MAST1: variants seen among roughly 807,000 people sequenced by gnomAD.
The protein encoded by MAST1 is microtubule-associated serine/threonine-protein kinase 1.
MAST1 carries 40 observed loss-of-function variants against 124.6 expected under a neutral mutation model. The observed-to-expected ratio is 0.32, with a 90% confidence interval of 0.25 to 0.42. MAST1 has a LOEUF of 0.42. Ranked by LOEUF, MAST1 falls within the 10% of genes least tolerant of loss-of-function variation. The pLI, the probability that MAST1 is intolerant of heterozygous loss-of-function variation, is 1.00. For synonymous variants in MAST1, 938 were observed against 939.4 expected, an observed-to-expected ratio of 1.00 and a Z score of 0.03; for missense variants, 1,558 against 2,181.9, an observed-to-expected ratio of 0.71 and a Z score of 5.70.
intron 22 of MAST1, among the ~76,000 whole-genome samples, 178 bp downstream of exon 22, chr19:12,869,473 C>T (rs200939890): frequency 6.6e-6 from 1 of 152,090 alleles, no homozygotes; most frequent in Non-Finnish European, 1.5e-5. Context: ...CTCACTGTGT[C>T]GCCAGGCCGG....
chr19:12,846,461 A>G (rs1969895263), intron 4 of MAST1, among the ~76,000 whole-genome samples: 1 of 152,058 alleles, frequency 6.6e-6, no homozygotes, highest in Admixed American at 6.6e-5. Context: ...GAGGGGTGAC[A>G]TTGAAGCAAA....
chr19:12,851,271 T>A (rs1472827839), intron 7 of MAST1, among the ~76,000 whole-genome samples: 1 of 148,528 alleles, frequency 6.7e-6, no homozygotes, highest in Non-Finnish European at 1.5e-5. Flanking sequence ...TTTTTTTCTT[T>A]TTTTTTTTTT....
rs759141821 is a variant in MAST1 at position 12,864,852 on chromosome 19, C to T, written c.1410C>T (p.Pro470=). Residue 470 remains proline, a synonymous_variant, in exon 13 of 26, where the codon CCC becomes CCT. Transcript: ENST00000251472. ...TGCTGAAGAATATTGGAGCGCTGCC[C>T]GTAGAGATGGCCCGCATGTACTTTG... ...ATLLKNIGAL[P]VEMARMYFAE... 22 of 1,613,898 alleles carry T rather than the reference C, an allele frequency of 1.4e-5. No homozygotes were observed. The highest frequency in any genetic ancestry group is 3.3e-5 in the South Asian group (3 of 91,088).
chr19:12,840,402 G>C (rs1338084691), intron 1 of MAST1, 44 bp from the exon 2 acceptor site: 1 of 1,300,922 alleles, frequency 7.7e-7, no homozygotes, highest in Non-Finnish European at 1.1e-6. Flanking sequence ...AGAACTCACT[G>C]GGCTGCGGCC....
At chr19:12,857,136 T>C (rs1970025686) in intron 10 of MAST1, among the ~76,000 whole-genome samples, 1 of 151,948 alleles carries the variant, frequency 6.6e-6, no homozygotes, top group Non-Finnish European at 1.5e-5. Context: ...CAGGCTGGAG[T>C]GCAATGCCAC....
intron 7 of MAST1, 55 bp downstream of exon 7, chr19:12,848,112 C>A: frequency 6.7e-7 from 1 of 1,481,934 alleles, no homozygotes. Context: ...CAGATTGTGC[C>A]CAATGCACCC....
chr19:12,852,086 G>A (rs766783155), intron 8 of MAST1, 29 bp from the exon 9 acceptor site: 2 of 1,613,642 alleles, frequency 1.2e-6, no homozygotes, highest in East Asian at 2.2e-5. Context: ...CTGGGAGCCT[G>A]TGGTGAGCCC....
chr19:12,872,997 A>T (rs908813363), intron 24 of MAST1, among the ~76,000 whole-genome samples: 6 of 151,452 alleles, frequency 4.0e-5, no homozygotes, highest in Admixed American at 4.0e-4. Context: ...AAGTAGGAGG[A>T]GCTAAAGGAA....
At position 12,847,482 on chromosome 19, in the gene MAST1, G is replaced by A. The variant is rs199694264; in HGVS notation, c.488+32G>A. ...AGGCATCCCTCCTCCTTCGTACCAA[G>A]CTAGTGGTCTTAGGACTTGTGCTTA... is the stretch of plus-strand genomic sequence containing the variant. On this transcript the variant is annotated intron_variant, in intron 5 of 25. Coordinates refer to ENST00000251472, the MANE Select transcript of MAST1 (RefSeq NM_014975.3). This position sits in a 1 kb window ranked among gnomAD's most constrained non-coding sequence, Gnocchi z 5.5. 1 of 1,612,922 alleles carries A rather than the reference G, an allele frequency of 6.2e-7. No individual in the cohort carries two copies. The highest frequency in any genetic ancestry group is 1.7e-5 in the Admixed American group (1 of 59,792).
Position 12,856,008 on chromosome 19 carries a change from C to T in MAST1, c.1078-2354C>T, listed in dbSNP as rs59036090. ...GGTAAGAGTTCCATACAATAGTGTGCGAAGTATTGCAAACAATAAAGGAAA... is the reference window on the plus strand; with the variant it reads ...GGTAAGAGTTCCATACAATAGTGTGTGAAGTATTGCAAACAATAAAGGAAA... On this transcript the variant is annotated intron_variant, in intron 10 of 25. Coordinates refer to ENST00000251472, the MANE Select transcript of MAST1 (RefSeq NM_014975.3). 2.9e-3 allele frequency among the ~76,000 whole-genome samples: 426 copies of T among 149,432 alleles called. 1 individual carries two copies. Among genetic ancestry groups the T allele is most frequent in the African/African-American group, 9.2e-3 (375 of 40,598 alleles).
In MAST1 at chr19:12,873,347, G is replaced by A; in HGVS notation, c.3287G>A (p.Arg1096Gln). 1.2e-6 allele frequency: 2 copies of A among 1,613,504 alleles called. No homozygotes were observed. Among genetic ancestry groups the A allele is most frequent in the Non-Finnish European group, 8.5e-7 (1 of 1,179,538 alleles). Reference protein sequence around the residue: ...QESKKRSSLFRKITKQSNLLH... With the variant: ...QESKKRSSLFQKITKQSNLLH... ...AGCAAGAAGCGCAGCTCCCTCTTCC[G>A]GAAGATCACGAAGCAGTCGAACCTG... The change falls in exon 25 of 26, where the codon CGG (arginine) becomes CAG (glutamine). Residue 1096 changes from arginine to glutamine, a missense_variant. Arg to Gln is a conservative substitution (Grantham distance 43). Around this residue, in one of 10 missense-constraint regions of MAST1, gnomAD observed 291 missense variants for 475.8 expected, o/e 0.61. Transcript: ENST00000251472.
chr19:12,854,898 A>G (rs899727332), intron 10 of MAST1, among the ~76,000 whole-genome samples: 3 of 152,134 alleles, frequency 2.0e-5, no homozygotes, highest in Non-Finnish European at 2.9e-5. Flanking sequence ...TCCTACCCCA[A>G]TGGCCACACA....
At position 12,843,673 on chromosome 19, in the gene MAST1, C is replaced by A. The variant is rs2145886188; in HGVS notation, c.327+66C>A. Reference sequence around the variant, plus strand: ...ATTCAGGGGCCCTCCAGCCTGAAGACCCACACCCAGGCCAGCAGTCCAGGC... The same window carrying A: ...ATTCAGGGGCCCTCCAGCCTGAAGAACCACACCCAGGCCAGCAGTCCAGGC... On this transcript the variant is annotated intron_variant, in intron 4 of 25. Coordinates refer to ENST00000251472, the MANE Select transcript of MAST1 (RefSeq NM_014975.3). This position sits in a 1 kb window ranked among gnomAD's most constrained non-coding sequence, Gnocchi z 4.9. 3 of 1,434,156 alleles carry A rather than the reference C, an allele frequency of 2.1e-6. No homozygotes were observed. Among genetic ancestry groups the A allele is most frequent in the South Asian group, 1.2e-5 (1 of 84,350 alleles). 88.8% of individuals were successfully genotyped at this position (1,434,156 alleles called of 1,614,324 possible). A position where few individuals can be genotyped will look rare whatever the true frequency, so the allele number is the denominator to read the frequency against.
chr19:12,869,068 G>A lies in MAST1; in HGVS notation c.2776G>A (p.Asp926Asn). ...TALSVMIPAV[D>N]PHGSSPLASP... ...TGACCATGGTTGTGTGTCTGTAGTG[G>A]ACCCACATGGAAGTTCACCCCTTGC... is the stretch of plus-strand genomic sequence containing the variant. Residue 926 changes from aspartate (D) to asparagine (N), a missense_variant and splice_region_variant, in exon 22 of 26, where the codon GAC (aspartate) becomes AAC (asparagine). Coordinates refer to ENST00000251472, the MANE Select transcript of MAST1 (RefSeq NM_014975.3). 3 of 1,613,990 alleles carry A rather than the reference G, an allele frequency of 1.9e-6. No individual in the cohort carries two copies. The highest frequency in any genetic ancestry group is 2.5e-6 in the Non-Finnish European group (3 of 1,179,884).
chr19:12,854,123 C>CTTTT (rs533163138), intron 10 of MAST1, among the ~76,000 whole-genome samples: 2 of 126,666 alleles, frequency 1.6e-5, no homozygotes, highest in African/African-American at 3.0e-5. Flanking sequence ...CTGGATATTT[C>CTTTT]TTTTTTTTTT....
chr19:12,851,071 CCAAGTAGCTGGCATTA>C (rs2145894116), intron 7 of MAST1, among the ~76,000 whole-genome samples: 1 of 151,696 alleles, frequency 6.6e-6, no homozygotes, highest in African/African-American at 2.4e-5. Flanking sequence ...CCTCAGCCTC[CCAAGTAGCTGGCATTA>C]CAAGTGTGTG....
At chr19:12,857,972 A>T (rs535487686) in intron 10 of MAST1, among the ~76,000 whole-genome samples, 1 of 133,462 alleles carries the variant, frequency 7.5e-6, no homozygotes, top group Non-Finnish European at 1.5e-5. Context: ...GCACCACTAC[A>T]CTCCAGTCTG....
chr19:12,841,750 T>C lies in MAST1; in HGVS notation c.248+684T>C, dbSNP rs1969832612. ...TCCTGTCTCTACCCTCTGAGTCGAA[T>C]AGGGCAGGCAGGCCAGAGAATGGGG... On this transcript the variant is annotated intron_variant, in intron 3 of 25. Coordinates refer to ENST00000251472, the MANE Select transcript of MAST1 (RefSeq NM_014975.3). The surrounding 1 kb of genome is among the most constrained non-coding windows in gnomAD (Gnocchi z 4.3). 6.6e-6 allele frequency among the ~76,000 whole-genome samples: 1 copy of C among 152,134 alleles called. No homozygotes were observed. Among genetic ancestry groups the C allele is most frequent in the African/African-American group, 2.4e-5 (1 of 41,406 alleles).
intron 10 of MAST1, among the ~76,000 whole-genome samples, chr19:12,852,838 A>C (rs1196171731): frequency 7.1e-6 from 1 of 141,748 alleles, no homozygotes; most frequent in Admixed American, 7.2e-5. Flanking sequence ...AACAAGAGCG[A>C]AACTGTCTCA....
Sources: allele counts gnomAD v4.1 joint callset (sites outside exome capture counted in the v4.1 genomes callset), GRCh38; gene constraint gnomAD v4.1.1; regional missense constraint gnomAD v4.1.1; non-coding constraint Gnocchi (gnomAD v3.1); transcripts MANE v1.5; gene names NCBI Gene and HGNC (gene_info 2026-07-23, HGNC 2026-07-21).